Variants in RAVER2 observed in about 807,000 individuals in gnomAD.
The protein encoded by RAVER2 is ribonucleoprotein PTB-binding 2.
Under a neutral mutation model 78.1 loss-of-function variants are expected in RAVER2, and 46 were observed. That is an observed-to-expected ratio of 0.59 (90% CI 0.46 to 0.75). The LOEUF is 0.75. RAVER2 is among the 30% of genes least tolerant of loss of function. The pLI is 0.00. For synonymous variants in RAVER2, 311 were observed against 313.3 expected (o/e 0.99, Z 0.08); for missense variants, 793 against 837.5 (o/e 0.95, Z 0.66).
At chr1:64,792,179 A>G (rs958149710) in intron 5 of RAVER2, among the ~76,000 whole-genome samples, 2 of 152,170 alleles carry the variant, frequency 1.3e-5, no homozygotes, top group African/African-American at 2.4e-5. Context: ...TTTGCAGATT[A>G]CAGTTCTATA....
chr1:64,762,907 T>G (rs1052946714), intron 1 of RAVER2, among the ~76,000 whole-genome samples: 1 of 152,200 alleles, frequency 6.6e-6, no homozygotes, highest in African/African-American at 2.4e-5. Flanking sequence ...AATTAATGTC[T>G]TCTTATCAAA....
chr1:64,819,776 T>A (rs1332534851), intron 11 of RAVER2, among the ~76,000 whole-genome samples: 1 of 152,198 alleles, frequency 6.6e-6, no homozygotes, highest in Non-Finnish European at 1.5e-5. Context: ...GAGACAGGTT[T>A]CTCAATCTTG....
chr1:64,772,160 GA>G (rs1261771676), intron 2 of RAVER2, among the ~76,000 whole-genome samples: 1 of 152,046 alleles, frequency 6.6e-6, no homozygotes, highest in Admixed American at 6.6e-5. Flanking sequence ...CCATTTCTAT[GA>G]GAACTAGTAT....
chr1:64,803,173 A>T, intron 6 of RAVER2, 112 bp downstream of exon 6: 2 of 772,532 alleles, frequency 2.6e-6, no homozygotes, highest in Non-Finnish European at 4.2e-6. Context: ...CTTTTAAAGA[A>T]AATCTTTAAT....
intron 5 of RAVER2, among the ~76,000 whole-genome samples, chr1:64,795,417 A>ATTCTGAGGC (rs1481406716): frequency 6.6e-6 from 1 of 152,118 alleles, no homozygotes; most frequent in Non-Finnish European, 1.5e-5. Context: ...ATTCACAACA[A>ATTCTGAGGC]TTCTGAGGCT....
At chr1:64,752,751 T>C (rs1211201176) in intron 1 of RAVER2, among the ~76,000 whole-genome samples, 1 of 152,188 alleles carries the variant, frequency 6.6e-6, no homozygotes, top group Non-Finnish European at 1.5e-5. Flanking sequence ...CAATACATGA[T>C]AGCCCCTTGG....
chr1:64,752,184 A>G (rs1651719358), intron 1 of RAVER2, among the ~76,000 whole-genome samples: 1 of 152,220 alleles, frequency 6.6e-6, no homozygotes, highest in African/African-American at 2.4e-5. Flanking sequence ...TTGCACCAAC[A>G]AGGCTCTCTC....
chr1:64,764,312 T>A (rs1570535025), intron 1 of RAVER2, among the ~76,000 whole-genome samples: 2 of 151,594 alleles, frequency 1.3e-5, no homozygotes, highest in Admixed American at 6.6e-5. Context: ...GACAATACAA[T>A]TATGGTGTCC....
At chr1:64,754,045 A>G (rs2100804471) in intron 1 of RAVER2, among the ~76,000 whole-genome samples, 1 of 152,210 alleles carries the variant, frequency 6.6e-6, no homozygotes. Context: ...GGATGTCTAT[A>G]ATAATAATAA....
chr1:64,749,818 T>G (rs899040113), intron 1 of RAVER2, among the ~76,000 whole-genome samples: 5 of 152,222 alleles, frequency 3.3e-5, no homozygotes, highest in Non-Finnish European at 5.9e-5. Context: ...TGTTATTGTA[T>G]TTCTATAAAT....
chr1:64,756,772 ATC>A (rs1481820324), intron 1 of RAVER2, among the ~76,000 whole-genome samples: 3 of 152,160 alleles, frequency 2.0e-5, no homozygotes, highest in Non-Finnish European at 4.4e-5. Context: ...TAGTTATCCT[ATC>A]TCCTTAGTCT....
intron 4 of RAVER2, 93 bp downstream of exon 4, chr1:64,781,664 C>G: frequency 8.5e-7 from 1 of 1,179,638 alleles, no homozygotes. Flanking sequence ...AATTGATTGT[C>G]GATTGCACCA....
chr1:64,753,027 C>T (rs1434062464), intron 1 of RAVER2, among the ~76,000 whole-genome samples: 1 of 152,162 alleles, frequency 6.6e-6, no homozygotes, highest in Admixed American at 6.5e-5. Context: ...GCCACTAAAT[C>T]CCTTTTATTG....
At chr1:64,770,501 C>T (rs1441217947) in intron 2 of RAVER2, among the ~76,000 whole-genome samples, 1 of 151,910 alleles carries the variant, frequency 6.6e-6, no homozygotes, top group Admixed American at 6.6e-5. Context: ...TTGTATGCAT[C>T]CAAAACATCT....
intron 11 of RAVER2, among the ~76,000 whole-genome samples, chr1:64,825,980 A>G (rs764993622): frequency 7.9e-5 from 12 of 152,278 alleles, no homozygotes; most frequent in Non-Finnish European, 1.5e-4. Context: ...AGGTGCCCAA[A>G]GCGAGAAGCA....
chr1:64,828,463 T>TGTTGTG (rs931872758), intron 11 of RAVER2, among the ~76,000 whole-genome samples: 2 of 152,300 alleles, frequency 1.3e-5, no homozygotes, highest in South Asian at 2.1e-4. Flanking sequence ...TTTTGTGTTT[T>TGTTGTG]GTTGTGGTTG....
chr1:64,818,694 C>G (rs1287247239), intron 11 of RAVER2, among the ~76,000 whole-genome samples: 1 of 152,092 alleles, frequency 6.6e-6, no homozygotes, highest in Non-Finnish European at 1.5e-5. Context: ...AGCTTTTTGC[C>G]TAATACCACT....
Position 64,814,856 on chromosome 1 carries a change from G to A in RAVER2, c.1929+16G>A, listed in dbSNP as rs1553155972. ...TTATGCACAGGTAAATAATTCCCAG[G>A]TTCTGATGATACTCAGAAAAATTGG... On this transcript the variant is annotated intron_variant, in intron 11 of 11. Coordinates refer to ENST00000294428, the Ensembl canonical transcript of RAVER2. The A allele has an allele frequency of 2.0e-6, 3 of 1,520,056 alleles. No homozygotes were observed. Among genetic ancestry groups the A allele is most frequent in the Non-Finnish European group, 1.8e-6 (2 of 1,129,758 alleles). 94.2% of individuals were successfully genotyped at this position (1,520,056 alleles called of 1,614,324 possible).
At chr1:64,748,819 C>T (rs1392282662) in intron 1 of RAVER2, among the ~76,000 whole-genome samples, 2 of 152,124 alleles carry the variant, frequency 1.3e-5, no homozygotes, top group East Asian at 1.9e-4. Flanking sequence ...GCCTACGTTT[C>T]CAGTCTCATT....
Sources: allele counts gnomAD v4.1 joint callset (sites outside exome capture counted in the v4.1 genomes callset), GRCh38; gene constraint gnomAD v4.1.1; transcripts MANE v1.5; gene names NCBI Gene and HGNC (gene_info 2026-07-23, HGNC 2026-07-21).